The following ADAMTSL1 variants were observed in gnomAD, a reference collection of about 807,000 sequenced individuals.
The protein encoded by ADAMTSL1 is ADAMTS-like protein 1.
Under a neutral mutation model 201.8 loss-of-function variants are expected in ADAMTSL1, and 126 were observed. The observed-to-expected ratio is 0.62, with a 90% CI of 0.54 to 0.72. The LOEUF (loss-of-function observed/expected upper bound fraction) is 0.72, where lower values mean the gene tolerates loss of function less well. Ranked by LOEUF, ADAMTSL1 falls within the 30% of genes least tolerant of loss-of-function variation. The probability of loss-of-function intolerance (pLI) is 0.00; values close to 1 mark genes in which losing one functional copy is unlikely to be tolerated. For synonymous variants in ADAMTSL1, 1,121 were observed against 903.4 expected (o/e 1.24, Z -4.32); for missense variants, 2,679 against 2,277.8 (o/e 1.18, Z -3.59).
At chr9:18,793,274 T>C (rs1005681527) in intron 19 of ADAMTSL1, 1 of 152,190 alleles carries the variant, frequency 6.6e-6, no homozygotes, top group East Asian at 1.9e-4. Context: ...GAATAAGCAA[T>C]GTAGTAGGCC....
chr9:18,304,073 A>G (rs1833809617), intron 2 of ADAMTSL1, among the ~76,000 whole-genome samples: 1 of 152,124 alleles, frequency 6.6e-6, no homozygotes, highest in South Asian at 2.1e-4. Context: ...CTATTTATGT[A>G]TCAATTTAAT....
At chr9:18,199,969 A>G (rs7045081) in intron 2 of ADAMTSL1, among the ~76,000 whole-genome samples, 27,494 of 151,928 alleles carry the variant, frequency 0.18, 2,648 homozygotes, top group East Asian at 0.24. Context: ...TCTCCAAGCT[A>G]ATTATAGCTT....
chr9:18,874,895 C>G (rs893398430), intron 23 of ADAMTSL1, among the ~76,000 whole-genome samples: 12 of 150,772 alleles, frequency 8.0e-5, no homozygotes, highest in African/African-American at 2.7e-4. Flanking sequence ...CCATCTGGTC[C>G]TGGACTTTTT....
At chr9:18,429,459 G>GA (rs1308667653) in intron 2 of ADAMTSL1, among the ~76,000 whole-genome samples, 2 of 152,134 alleles carry the variant, frequency 1.3e-5, no homozygotes, top group African/African-American at 4.8e-5. Flanking sequence ...AGTGTGAGCA[G>GA]AAAATCTAAG....
intron 1 of ADAMTSL1, among the ~76,000 whole-genome samples, chr9:17,955,837 G>A (rs986446649): frequency 6.6e-6 from 1 of 152,042 alleles, no homozygotes; most frequent in African/African-American, 2.4e-5. Context: ...ATAGGGTTTC[G>A]TTCTATCCAT....
At chr9:18,067,269 A>C (rs1389758400) in intron 1 of ADAMTSL1, among the ~76,000 whole-genome samples, 1 of 152,232 alleles carries the variant, frequency 6.6e-6, no homozygotes, top group Non-Finnish European at 1.5e-5. Context: ...TGTTAAGGTC[A>C]CAATAGAAAT....
At chr9:18,854,610 A>G (rs908769047) in intron 23 of ADAMTSL1, among the ~76,000 whole-genome samples, 2 of 152,156 alleles carry the variant, frequency 1.3e-5, no homozygotes, top group Admixed American at 1.3e-4. Flanking sequence ...GATGCTAGAG[A>G]TGTCGGTAGC....
At chr9:18,026,369 G>A (rs548729935) in intron 1 of ADAMTSL1, among the ~76,000 whole-genome samples, 1 of 152,032 alleles carries the variant, frequency 6.6e-6, no homozygotes, top group African/African-American at 2.4e-5. Flanking sequence ...ATATTATTTT[G>A]AAGCATTTTC....
At chr9:18,873,722 C>A (rs200171440) in intron 23 of ADAMTSL1, among the ~76,000 whole-genome samples, 2 of 151,814 alleles carry the variant, frequency 1.3e-5, no homozygotes, top group Non-Finnish European at 2.9e-5. Context: ...TTTGAAGTCA[C>A]GTAATGTGAT....
intron 23 of ADAMTSL1, among the ~76,000 whole-genome samples, chr9:18,880,786 A>C (rs1465106696): frequency 1.3e-5 from 2 of 152,190 alleles, no homozygotes; most frequent in Non-Finnish European, 2.9e-5. Context: ...CTTTGAAGCC[A>C]GGTATTGACT....
At chr9:18,148,126 A>T (rs1826734450) in intron 1 of ADAMTSL1, among the ~76,000 whole-genome samples, 1 of 152,134 alleles carries the variant, frequency 6.6e-6, no homozygotes, top group South Asian at 2.1e-4. Flanking sequence ...CTAGAAACAT[A>T]GTAATGTGTC....
At chr9:18,885,047 C>A (rs984784229) in intron 23 of ADAMTSL1, among the ~76,000 whole-genome samples, 4 of 152,118 alleles carry the variant, frequency 2.6e-5, no homozygotes, top group Non-Finnish European at 5.9e-5. Context: ...GAATTTATAT[C>A]TTCTTTAATT....
chr9:18,493,407 C>T (rs140176283), intron 1 of ADAMTSL1, among the ~76,000 whole-genome samples: 4 of 152,176 alleles, frequency 2.6e-5, no homozygotes, highest in Non-Finnish European at 5.9e-5. Flanking sequence ...AGGACTTCCT[C>T]ACCCACCTCT....
At chr9:18,634,706 T>A (rs1375057327) in intron 5 of ADAMTSL1, among the ~76,000 whole-genome samples, 1 of 150,518 alleles carries the variant, frequency 6.6e-6, no homozygotes, top group East Asian at 2.0e-4. Context: ...GGCGTGATGG[T>A]GGGCGCCTAT....
intron 21 of ADAMTSL1, among the ~76,000 whole-genome samples, chr9:18,822,876 A>G (rs1037355576): frequency 1.3e-5 from 2 of 152,216 alleles, no homozygotes; most frequent in Non-Finnish European, 2.9e-5. Flanking sequence ...AGTATTAGGC[A>G]TGTGTATCAC....
intron 1 of ADAMTSL1, among the ~76,000 whole-genome samples, chr9:18,118,985 T>A (rs547689339): frequency 6.6e-6 from 1 of 152,218 alleles, no homozygotes; most frequent in Non-Finnish European, 1.5e-5. Flanking sequence ...TACAGAGAGG[T>A]TGAGAGCATG....
intron 2 of ADAMTSL1, among the ~76,000 whole-genome samples, chr9:18,189,777 A>T (rs917794162): frequency 3.3e-5 from 5 of 151,826 alleles, no homozygotes; most frequent in South Asian, 2.1e-4. Flanking sequence ...ATGTTTTTTT[A>T]AAAAAAACTC....
chr9:18,498,237 A>C (rs1822630776), intron 1 of ADAMTSL1, among the ~76,000 whole-genome samples: 1 of 152,018 alleles, frequency 6.6e-6, no homozygotes, highest in Non-Finnish European at 1.5e-5. Context: ...GGAGTGATAA[A>C]ATAATTGGCA....
rs373584991 is a variant in ADAMTSL1 at position 18,206,956 on chromosome 9, G to A, written c.207+42975G>A. On this transcript the variant is annotated intron_variant, in intron 2 of 29. Transcript: ENST00000680146. ...GAGGTGGGTGAATCACCTGAGGTCA[G>A]GAGTTTGAGATCAGCCTGGCCAACA... Among the ~76,000 whole-genome samples the A allele has an allele frequency of 3.9e-5, 6 of 152,190 alleles. No individual in the cohort carries two copies. In the East Asian group the frequency reaches 9.7e-4, roughly 25 times the overall value.
Sources: gnomAD v4.1 joint callset for allele counts (sites outside exome capture counted in the v4.1 genomes callset) on GRCh38, gnomAD v4.1.1 for gene constraint, MANE v1.5 for transcripts, NCBI Gene and HGNC (gene_info 2026-07-23, HGNC 2026-07-21) for gene names.